Variants in DST observed in about 807,000 individuals in gnomAD.
The protein encoded by DST is dystonin.
In DST, 253 loss-of-function variants were observed where a neutral mutation model predicts 875.2. The observed-to-expected ratio is 0.29, with a 90% CI of 0.26 to 0.32. The LOEUF (loss-of-function observed/expected upper bound fraction) is 0.32, where lower values mean the gene tolerates loss of function less well. DST is among the 10% of genes least tolerant of loss of function. The pLI is 1.00. For synonymous variants in DST, 3,124 were observed against 3,197.1 expected (o/e 0.98, Z 0.77); for missense variants, 8,287 against 9,111.6 (o/e 0.91, Z 3.68).
At chr6:56,895,004 G>T (rs1274467298) in intron 3 of DST, among the ~76,000 whole-genome samples, 1 of 109,308 alleles carries the variant, frequency 9.1e-6, no homozygotes, top group Non-Finnish European at 1.8e-5. Context: ...CCTCCCTCCC[G>T]GACTGGGCGG....
chr6:56,634,698 T>C, intron 25 of DST, 82 bp from the exon 26 acceptor site: 1 of 1,607,060 alleles, frequency 6.2e-7, no homozygotes, highest in Non-Finnish European at 8.5e-7. Context: ...TTTTTTTTGT[T>C]TTATGAGGCG....
rs536407146 is a variant in DST, at chr6:56,723,137, G to A, written c.687+12091C>T. ...GCCATATACATTTTATATCATTCTG[G>A]GGGGCTGGCCCAAGATAAGTAGGTG... On this transcript the variant is annotated intron_variant, in intron 5 of 103. Transcript: ENST00000680361. Among the ~76,000 whole-genome samples, 12 of 152,244 alleles carry A rather than the reference G, an allele frequency of 7.9e-5. No individual in the cohort carries two copies. In the East Asian group the frequency reaches 2.3e-3, roughly 29 times the overall value.
Position 56,494,105 on chromosome 6 carries a change from T to C in DST, c.20299A>G (p.Arg6767Gly). The C allele has an allele frequency of 6.2e-7, 1 of 1,611,916 alleles. No homozygotes were observed. Among genetic ancestry groups the C allele is most frequent in the Non-Finnish European group, 8.5e-7 (1 of 1,178,566 alleles). Residue 6767 changes from arginine (R) to glycine (G), a missense_variant, in exon 83 of 104, where the codon AGA becomes GGA. Coordinates refer to ENST00000680361, the MANE Select transcript of DST (RefSeq NM_001374736.1). ...TTTGTCTCTGCAGATTTTGGGCATC[T>C]TGCAAGCATCTGCTGGCCTTTCTGC... ...LMQKGQQMLA[R>G]CPKSAETNID...
At chr6:56,782,867 A>G (rs1220570254) in intron 4 of DST, among the ~76,000 whole-genome samples, 5 of 152,126 alleles carry the variant, frequency 3.3e-5, no homozygotes, top group African/African-American at 1.2e-4. Flanking sequence ...ATTTAGTGCT[A>G]TAAATTTCCC....
At position 56,592,293 on chromosome 6, in the gene DST, T is replaced by C. The variant is rs763262915; in HGVS notation, c.12792A>G (p.Ser4264=). Residue 4264 remains serine, a synonymous_variant, in exon 49 of 104, where the codon TCA becomes TCG. Coordinates refer to ENST00000680361, the MANE Select transcript of DST (RefSeq NM_001374736.1). ...VDKYQHYEDA[S]CGLLAGLQAC... is the part of the protein sequence containing the mutation. Reference sequence around the variant, plus strand: ...CCTGGAGTCCAGCAAGAAGTCCACATGAAGCATCTTCATAGTGTTGATATT... The same window carrying C: ...CCTGGAGTCCAGCAAGAAGTCCACACGAAGCATCTTCATAGTGTTGATATT... The C allele has an allele frequency of 5.0e-6, 8 of 1,610,946 alleles. No individual in the cohort carries two copies. The highest frequency in any genetic ancestry group is 6.8e-6 in the Non-Finnish European group (8 of 1,178,356).
chr6:56,538,545 G>C (rs2097059987), intron 61 of DST, among the ~76,000 whole-genome samples: 1 of 152,148 alleles, frequency 6.6e-6, no homozygotes, highest in Admixed American at 6.6e-5. Flanking sequence ...AACTTTGAAA[G>C]ATGTAGAGGC....
intron 22 of DST, 122 bp from the exon 23 acceptor site, chr6:56,636,774 G>T: frequency 1.1e-6 from 1 of 871,270 alleles, no homozygotes; most frequent in Non-Finnish European, 1.9e-6. Context: ...TGTTTTGGCA[G>T]AATAAGACTT....
At chr6:56,777,827 C>T (rs1207661220) in intron 4 of DST, among the ~76,000 whole-genome samples, 1 of 151,824 alleles carries the variant, frequency 6.6e-6, no homozygotes, top group African/African-American at 2.4e-5. Flanking sequence ...TTCCCAAGTA[C>T]CTGGACTACA....
intron 4 of DST, among the ~76,000 whole-genome samples, chr6:56,778,823 G>C (rs1293213725): frequency 6.6e-6 from 1 of 151,932 alleles, no homozygotes; most frequent in Non-Finnish European, 1.5e-5. Context: ...TTGCTGTTGT[G>C]AGTAGAGCTG....
rs182302033 is a variant in DST, at chr6:56,524,822, G to C, written c.18129+1539C>G. On this transcript the variant is annotated intron_variant, in intron 69 of 103. Transcript: ENST00000680361. Reference sequence around the variant, plus strand: ...TCCTCCTCTTTCAAGACGAAGACTGGAAGGATACAGACCAAATTGCTTACA... The same window carrying C: ...TCCTCCTCTTTCAAGACGAAGACTGCAAGGATACAGACCAAATTGCTTACA... Among the ~76,000 whole-genome samples, 18 of 152,038 alleles carry C rather than the reference G, an allele frequency of 1.2e-4. No homozygotes were observed. In the East Asian group the frequency reaches 3.3e-3, roughly 28 times the overall value.
chr6:56,458,743 T>C lies in DST; in HGVS notation c.*262A>G. On this transcript the variant is annotated 3_prime_UTR_variant, in exon 104 of 104. Coordinates refer to ENST00000680361, the MANE Select transcript of DST (RefSeq NM_001374736.1). The stretch of plus-strand genomic sequence containing the variant: ...CTGTAGGTACAGTAACTGAGTTTAG[T>C]GTGTGCCCGGCACGTTACAGTGCAG... 1 of 302,346 alleles carries C rather than the reference T, an allele frequency of 3.3e-6. No individual in the cohort carries two copies. The allele number at this position is 302,346 out of a possible 1,614,324, so 18.7% of individuals were successfully genotyped here. A position where few individuals can be genotyped will look rare whatever the true frequency, so the allele number is the denominator to read the frequency against.
chr6:56,921,939 C>T (rs186865450), intron 2 of DST, among the ~76,000 whole-genome samples: 1 of 152,318 alleles, frequency 6.6e-6, no homozygotes, highest in Non-Finnish European at 1.5e-5. Context: ...ACTTTGCACA[C>T]ATAGCCCCCA....
intron 3 of DST, among the ~76,000 whole-genome samples, chr6:56,894,948 A>ACCTC (rs1387353807): frequency 2.0e-4 from 8 of 40,534 alleles, no homozygotes; most frequent in African/African-American, 4.5e-4. Context: ...GGCGCCCCTC[A>ACCTC]CCTCCCGGAC....
chr6:56,610,433 C>T lies in DST; in HGVS notation c.5277G>A (p.Glu1759=). ...ESQTSGDVKV[E]EKLDKVIAGT... ...TTTAAATAAATAATATTACCTTCTC[C>T]TCTACCTTTACATCTCCTGAGGTTT... Residue 1759 remains glutamate (E), a synonymous_variant, in exon 39 of 104, where the codon GAG becomes GAA. Transcript: ENST00000680361. The T allele has an allele frequency of 6.4e-7, 1 of 1,554,830 alleles. No homozygotes were observed. The highest frequency in any genetic ancestry group is 8.7e-7 in the Non-Finnish European group (1 of 1,148,770).
intron 4 of DST, among the ~76,000 whole-genome samples, chr6:56,820,521 G>A (rs929051958): frequency 6.6e-6 from 1 of 151,986 alleles, no homozygotes; most frequent in Non-Finnish European, 1.5e-5. Context: ...ATCTTTACAC[G>A]AGTTTGTTTA....
At chr6:56,667,658 A>T (rs1049189544) in intron 10 of DST, among the ~76,000 whole-genome samples, 1 of 152,202 alleles carries the variant, frequency 6.6e-6, no homozygotes, top group Non-Finnish European at 1.5e-5. Flanking sequence ...CTAAAAAGGT[A>T]TTTCTGCCAA....
intron 47 of DST, among the ~76,000 whole-genome samples, chr6:56,595,887 T>C (rs1451252856): frequency 6.6e-6 from 1 of 151,698 alleles, no homozygotes. Context: ...ATGAGGACTC[T>C]TAGGCTGAAG....
chr6:56,951,842 G>T (rs1822499511), intron 2 of DST, among the ~76,000 whole-genome samples: 1 of 152,164 alleles, frequency 6.6e-6, no homozygotes. Flanking sequence ...AGCCTGCAAA[G>T]ATCCAGTAAG....
chr6:56,627,805 C>T (rs2098747454), intron 33 of DST, among the ~76,000 whole-genome samples, 194 bp downstream of exon 33: 1 of 152,076 alleles, frequency 6.6e-6, no homozygotes, highest in African/African-American at 2.4e-5. Flanking sequence ...CCCATGCTTT[C>T]AAAAATTACT....
Sources: gnomAD v4.1 joint callset for allele counts (sites outside exome capture counted in the v4.1 genomes callset) on GRCh38, gnomAD v4.1.1 for gene constraint, MANE v1.5 for transcripts, NCBI Gene and HGNC (gene_info 2026-07-23, HGNC 2026-07-21) for gene names.